Variants in ATP6V0A4 observed in about 807,000 individuals in gnomAD.
The protein encoded by ATP6V0A4 is ATPase H+ transporting V0 subunit a4, also known as V-type proton ATPase 116 kDa subunit a 4.
A neutral mutation model predicts 107.3 loss-of-function variants in ATP6V0A4; 86 were observed. That is an observed-to-expected ratio of 0.80 (90% CI 0.67 to 0.96). The LOEUF is 0.96. Ranked by LOEUF, ATP6V0A4 falls within the 40% of genes least tolerant of loss-of-function variation. ATP6V0A4 has a pLI of 0.00. For missense variants in ATP6V0A4, 908 were observed against 1,045.6 expected (o/e 0.87, Z 1.81); for synonymous variants, 353 against 381.4 (o/e 0.93, Z 0.87).
chr7:138,771,161 G>A lies in ATP6V0A4; in HGVS notation c.87C>T (p.Leu29=), dbSNP rs143171339. 28 of 1,613,974 alleles carry A rather than the reference G, an allele frequency of 1.7e-5. No individual in the cohort carries two copies. Among genetic ancestry groups the A allele is most frequent in the African/African-American group, 6.7e-5 (5 of 74,886 alleles). ...TGAACTGAACCAATCCGAGCTCTCC[G>A]AGCTCAGCCACACAGCAATATGCAG... The part of the protein sequence containing the change: ...VEAAYCCVAE[L]GELGLVQFKD... The change falls in exon 3 of 22, where the codon CTC becomes CTT. Residue 29 remains leucine (L), a synonymous_variant. Coordinates refer to ENST00000310018, the MANE Select transcript of ATP6V0A4 (RefSeq NM_020632.3).
chr7:138,794,582 C>T lies in ATP6V0A4; in HGVS notation c.-121+3452G>A, dbSNP rs1808570170. 3.9e-5 allele frequency among the ~76,000 whole-genome samples: 6 copies of T among 152,234 alleles called. No individual in the cohort carries two copies. The South Asian group carries it at 1.2e-3, about 32-fold the overall frequency. On this transcript the variant is annotated intron_variant, in intron 1 of 21. Coordinates refer to ENST00000310018, the MANE Select transcript of ATP6V0A4 (RefSeq NM_020632.3). ...TGGCTACTCCTCTCTCCAACCACCACCATGGTGCCTAGCCACAGACATTTC... is the reference window on the plus strand; with the variant it reads ...TGGCTACTCCTCTCTCCAACCACCATCATGGTGCCTAGCCACAGACATTTC...
chr7:138,709,954 T>C (rs1298195211), intron 20 of ATP6V0A4, 159 bp from the exon 21 acceptor site: 1 of 460,622 alleles, frequency 2.2e-6, no homozygotes, highest in Non-Finnish European at 2.8e-6. Context: ...CCTGAAGCAA[T>C]CCTCCTGTCT....
chr7:138,748,174 A>C (rs938204706), intron 12 of ATP6V0A4, among the ~76,000 whole-genome samples: 1 of 152,144 alleles, frequency 6.6e-6, no homozygotes, highest in South Asian at 2.1e-4. Flanking sequence ...ATGGAACACA[A>C]GATCAGCTTT....
chr7:138,722,917 G>A (rs1440464328), intron 18 of ATP6V0A4, among the ~76,000 whole-genome samples: 1 of 151,492 alleles, frequency 6.6e-6, no homozygotes, highest in Non-Finnish European at 1.5e-5. Flanking sequence ...AATTAGTTGG[G>A]CATGGTAGCA....
chr7:138,788,177 A>G (rs1322435752), intron 1 of ATP6V0A4, among the ~76,000 whole-genome samples: 1 of 152,170 alleles, frequency 6.6e-6, no homozygotes, highest in East Asian at 1.9e-4. Flanking sequence ...AAATTGGCGG[A>G]ATATTTATTA....
In ATP6V0A4 at chr7:138,747,559, A is replaced by AGG; in HGVS notation, c.1184_1185dup (p.Tyr396ProfsTer13). 1 of 1,614,024 alleles carries AGG rather than the reference A, an allele frequency of 6.2e-7. No individual in the cohort carries two copies. The highest frequency in any genetic ancestry group is 8.5e-7 in the Non-Finnish European group (1 of 1,179,992). The stretch of plus-strand genomic sequence containing the variant: ...AGGAAGGGGAAAGTGATGATGGTGT[A>AGG]GGGGGCTGCGGAGGGGAGACACACA... On this transcript the variant is annotated frameshift_variant, in exon 13 of 22. Coordinates refer to ENST00000310018, the MANE Select transcript of ATP6V0A4 (RefSeq NM_020632.3). LOFTEE classifies it high-confidence loss of function.
chr7:138,707,942 A>C (rs1803529156), intron 21 of ATP6V0A4, among the ~76,000 whole-genome samples: 2 of 152,202 alleles, frequency 1.3e-5, no homozygotes, highest in African/African-American at 4.8e-5. Flanking sequence ...CTCACATATT[A>C]TAGAACGCAA....
chr7:138,785,345 A>C (rs955564525), intron 2 of ATP6V0A4, among the ~76,000 whole-genome samples: 1 of 145,898 alleles, frequency 6.9e-6, no homozygotes, highest in South Asian at 2.1e-4. Context: ...TCGTGATCTC[A>C]GCTCACTGCA....
At chr7:138,770,137 C>A (rs920463158) in intron 3 of ATP6V0A4, among the ~76,000 whole-genome samples, 1 of 151,492 alleles carries the variant, frequency 6.6e-6, no homozygotes, top group Admixed American at 6.6e-5. Context: ...CTTTCACTTT[C>A]TTAATAGGAA....
chr7:138,742,148 C>A (rs367718332), intron 14 of ATP6V0A4, among the ~76,000 whole-genome samples: 2 of 152,236 alleles, frequency 1.3e-5, no homozygotes, highest in African/African-American at 4.8e-5. Flanking sequence ...TCATCTCGGC[C>A]GGGCACGGTG....
intron 2 of ATP6V0A4, among the ~76,000 whole-genome samples, chr7:138,776,707 A>G (rs190980313): frequency 6.6e-6 from 1 of 152,312 alleles, no homozygotes; most frequent in East Asian, 1.9e-4. Flanking sequence ...GAGTACACGT[A>G]CCTAATGGTT....
intron 11 of ATP6V0A4, among the ~76,000 whole-genome samples, chr7:138,749,596 C>T (rs1584924143): frequency 6.6e-6 from 1 of 152,122 alleles, no homozygotes; most frequent in East Asian, 1.9e-4. Context: ...TGTTATGACT[C>T]CTGGCCCTCT....
chr7:138,741,075 C>T (rs1269683239), intron 14 of ATP6V0A4, among the ~76,000 whole-genome samples: 2 of 151,988 alleles, frequency 1.3e-5, no homozygotes, highest in Non-Finnish European at 2.9e-5. Flanking sequence ...AACCAGGAGG[C>T]GGAGGTTGCA....
chr7:138,744,399 A>G (rs1805802394), intron 14 of ATP6V0A4, among the ~76,000 whole-genome samples: 1 of 151,430 alleles, frequency 6.6e-6, no homozygotes, highest in Non-Finnish European at 1.5e-5. Flanking sequence ...CACCATGCCC[A>G]GCTAATTTTT....
chr7:138,765,271 A>G (rs1807028252), intron 5 of ATP6V0A4, among the ~76,000 whole-genome samples: 1 of 152,174 alleles, frequency 6.6e-6, no homozygotes, highest in Admixed American at 6.6e-5. Flanking sequence ...CTCCCGTCTC[A>G]GAGAAAGCCA....
intron 18 of ATP6V0A4, among the ~76,000 whole-genome samples, chr7:138,727,879 C>A: frequency 6.6e-6 from 1 of 152,100 alleles, no homozygotes. Context: ...TGCTTCACCC[C>A]CCTAGTACAT....
chr7:138,732,840 T>C, intron 17 of ATP6V0A4, 37 bp downstream of exon 17: 1 of 1,454,772 alleles, frequency 6.9e-7, no homozygotes, highest in Non-Finnish European at 9.1e-7. Context: ...ATCAAGTAAA[T>C]AAAAGAAGAG....
At chr7:138,727,860 A>G (rs1317650344) in intron 18 of ATP6V0A4, among the ~76,000 whole-genome samples, 18 of 152,164 alleles carry the variant, frequency 1.2e-4, no homozygotes, top group African/African-American at 4.8e-5. Context: ...TCAGGCTGAT[A>G]TTAAACTCTG....
chr7:138,745,658 C>CAAAAAAAA lies in ATP6V0A4; in HGVS notation c.1321-386_1321-379dup, dbSNP rs566336992. Among the ~76,000 whole-genome samples the CAAAAAAAA allele has an allele frequency of 8.4e-4, 36 of 42,756 alleles. 5 individuals are homozygous for CAAAAAAAA. Among genetic ancestry groups the CAAAAAAAA allele is most frequent in the South Asian group, 6.4e-3 (7 of 1,098 alleles). The allele number at this position is 42,756 out of a possible 152,430, so 28.0% of individuals were successfully genotyped here. A position where few individuals can be genotyped will look rare whatever the true frequency, so the allele number is the denominator to read the frequency against. ...CACCACTGCGCTCCAGCCTGTGTCTCAAAAAAAAAAAAAGGCCGGGTGTGA... is the reference window on the plus strand; with the variant it reads ...CACCACTGCGCTCCAGCCTGTGTCTCAAAAAAAAAAAAAAAAAAAAAGGCCGGGTGTGA... On this transcript the variant is annotated intron_variant, in intron 13 of 21. Coordinates refer to ENST00000310018, the MANE Select transcript of ATP6V0A4 (RefSeq NM_020632.3).
Sources: allele counts gnomAD v4.1 joint callset (sites outside exome capture counted in the v4.1 genomes callset), GRCh38; gene constraint gnomAD v4.1.1; transcripts MANE v1.5; gene names NCBI Gene and HGNC (gene_info 2026-07-23, HGNC 2026-07-21).